Variants in EPHB2 observed in about 807,000 individuals in gnomAD.
EPHB2 encodes ephrin type-B receptor 2.
Under a neutral mutation model 96.4 loss-of-function variants are expected in EPHB2, and 18 were observed. That is an observed-to-expected ratio of 0.19 (90% CI 0.13 to 0.28). EPHB2 has a LOEUF of 0.28. Among genes scored for constraint, EPHB2 ranks in the 10% least tolerant of loss-of-function variants. The pLI, the probability that EPHB2 is intolerant of heterozygous loss-of-function variation, is 1.00. For synonymous variants in EPHB2, 506 were observed against 534.1 expected (o/e 0.95, Z 0.72); for missense variants, 989 against 1,355.4 (o/e 0.73, Z 4.25).
chr1:22,913,222 C>G lies in EPHB2; in HGVS notation c.2853-240C>G. Reference sequence around the variant, plus strand: ...AAGAAAGAAAATGTAAGCTGGCTTCCCCCTCCCAATAGCAGGGGAGAGAAG... The same window carrying G: ...AAGAAAGAAAATGTAAGCTGGCTTCGCCCTCCCAATAGCAGGGGAGAGAAG... On this transcript the variant is annotated intron_variant, in intron 15 of 15. Transcript: ENST00000374630. This position sits in a 1 kb window ranked among gnomAD's most constrained non-coding sequence, Gnocchi z 4.1. The G allele has an allele frequency of 3.4e-6, 2 of 586,796 alleles. No homozygotes were observed. The highest frequency in any genetic ancestry group is 6.1e-6 in the Non-Finnish European group (2 of 328,510). 36.3% of individuals were successfully genotyped at this position (586,796 alleles called of 1,614,324 possible).
At chr1:22,769,721 C>G (rs1383368944) in intron 1 of EPHB2, among the ~76,000 whole-genome samples, 1 of 152,178 alleles carries the variant, frequency 6.6e-6, no homozygotes, top group Non-Finnish European at 1.5e-5. Context: ...TTCTCCAGTA[C>G]TCAGCATGGG....
At chr1:22,804,080 A>G (rs1260204582) in intron 3 of EPHB2, among the ~76,000 whole-genome samples, 1 of 152,212 alleles carries the variant, frequency 6.6e-6, no homozygotes, top group East Asian at 1.9e-4. Flanking sequence ...GTGAGAAAAC[A>G]GGTTCCAAGA....
At position 22,871,100 on chromosome 1, in the gene EPHB2, A is replaced by T. The variant is rs566631950; in HGVS notation, c.1303+5888A>T. Among the ~76,000 whole-genome samples the T allele has an allele frequency of 2.6e-5, 4 of 152,334 alleles. No individual in the cohort carries two copies. In the East Asian group the frequency reaches 7.7e-4, roughly 29 times the overall value. ...CCCTTAACACTGAATCCTCACAACG[A>T]TACGAGGTAGGTCCTGTTGTCATCC... On this transcript the variant is annotated intron_variant, in intron 5 of 15. Transcript: ENST00000374630.
intron 3 of EPHB2, among the ~76,000 whole-genome samples, chr1:22,852,497 G>A (rs572407004): frequency 5.1e-4 from 78 of 152,240 alleles, no homozygotes; most frequent in Admixed American, 1.2e-3. Context: ...GAAATTGGAG[G>A]AATGGGGCTG....
intron 7 of EPHB2, among the ~76,000 whole-genome samples, chr1:22,894,887 T>C (rs538298058): frequency 3.3e-5 from 5 of 152,156 alleles, no homozygotes; most frequent in African/African-American, 1.2e-4. Flanking sequence ...GCACAGTGAG[T>C]GACACATAAA....
chr1:22,738,070 TA>T (rs938870405), intron 1 of EPHB2, among the ~76,000 whole-genome samples: 1 of 151,860 alleles, frequency 6.6e-6, no homozygotes, highest in South Asian at 2.1e-4. Context: ...CATTTAAAGA[TA>T]AAAAAAATAC....
intron 3 of EPHB2, among the ~76,000 whole-genome samples, chr1:22,841,392 G>A (rs879568634): frequency 6.6e-6 from 1 of 152,250 alleles, no homozygotes. Flanking sequence ...TGTAGGGCAG[G>A]AGGGAGTCTG....
At chr1:22,797,482 C>T (rs1307856425) in intron 3 of EPHB2, among the ~76,000 whole-genome samples, 1 of 152,154 alleles carries the variant, frequency 6.6e-6, no homozygotes, top group Non-Finnish European at 1.5e-5. Context: ...GACCTCTCCA[C>T]CTTGGAGGGC....
At chr1:22,762,594 A>G (rs1434872338) in intron 1 of EPHB2, among the ~76,000 whole-genome samples, 1 of 152,094 alleles carries the variant, frequency 6.6e-6, no homozygotes, top group African/African-American at 2.4e-5. Flanking sequence ...TCCTGGCTTC[A>G]TGACCTGGGG....
At chr1:22,774,458 T>G in intron 1 of EPHB2, 2 of 550,616 alleles carry the variant, frequency 3.6e-6, no homozygotes, top group Non-Finnish European at 4.6e-6. Context: ...AGAAGGAGGC[T>G]TTGAGCTCAG....
intron 1 of EPHB2, among the ~76,000 whole-genome samples, chr1:22,726,581 C>T (rs889178009): frequency 2.2e-4 from 34 of 152,008 alleles, no homozygotes; most frequent in South Asian, 2.1e-4. Context: ...CCACCACACC[C>T]GGCTAATTTT....
intron 3 of EPHB2, among the ~76,000 whole-genome samples, chr1:22,837,448 G>A (rs1386712322): frequency 6.6e-6 from 1 of 152,186 alleles, no homozygotes; most frequent in Non-Finnish European, 1.5e-5. Flanking sequence ...TCTAACATGA[G>A]TGTAGGTGGG....
rs1348417298 is a variant in EPHB2 at position 22,781,428 on chromosome 1, A to G, written c.69A>G (p.Leu23=). The G allele has an allele frequency of 1.2e-6, 2 of 1,613,926 alleles. No homozygotes were observed. Among genetic ancestry groups the G allele is most frequent in the African/African-American group, 1.3e-5 (1 of 74,960 alleles). The change falls in exon 2 of 16, where the codon CTA becomes CTG. Residue 23 remains leucine (L), a synonymous_variant. Transcript: ENST00000374630. ...LPLLAAVEET[L]MDSTTATAEL... is the part of the protein sequence containing the mutation. ...TCTTTGCTCTCCCCACAGAAACGCT[A>G]ATGGACTCCACTACAGCGACTGCTG... is the stretch of plus-strand genomic sequence containing the variant.
chr1:22,840,832 T>G (rs940721250), intron 3 of EPHB2, among the ~76,000 whole-genome samples: 2 of 152,184 alleles, frequency 1.3e-5, no homozygotes, highest in Non-Finnish European at 2.9e-5. Context: ...ATCCTAGCAC[T>G]TTACACATGT....
intron 6 of EPHB2, among the ~76,000 whole-genome samples, chr1:22,883,490 G>A (rs1639117021): frequency 6.6e-6 from 1 of 152,242 alleles, no homozygotes; most frequent in African/African-American, 2.4e-5. Flanking sequence ...AGGGCACCTG[G>A]GAAAGGCATC....
intron 1 of EPHB2, among the ~76,000 whole-genome samples, chr1:22,780,874 G>T (rs1369647020): frequency 6.6e-6 from 1 of 152,086 alleles, no homozygotes; most frequent in Non-Finnish European, 1.5e-5. Flanking sequence ...GCCTAGAGGA[G>T]TGGCATCAGA....
chr1:22,904,607 G>A (rs1192906613), intron 9 of EPHB2, among the ~76,000 whole-genome samples: 1 of 152,144 alleles, frequency 6.6e-6, no homozygotes, highest in East Asian at 1.9e-4. Flanking sequence ...AGCAGCGGTT[G>A]ACAAATTTTT....
chr1:22,843,644 G>A, intron 3 of EPHB2, among the ~76,000 whole-genome samples: 1 of 152,146 alleles, frequency 6.6e-6, no homozygotes, highest in Non-Finnish European at 1.5e-5. Context: ...AGATTCAAGT[G>A]ATTCTTCTGT....
intron 1 of EPHB2, among the ~76,000 whole-genome samples, chr1:22,740,084 A>G (rs1643885304): frequency 6.6e-6 from 1 of 152,134 alleles, no homozygotes; most frequent in South Asian, 2.1e-4. Flanking sequence ...GGTCCAAACG[A>G]TTTGCCTGAG....
Sources: allele counts gnomAD v4.1 joint callset (sites outside exome capture counted in the v4.1 genomes callset), GRCh38; gene constraint gnomAD v4.1.1; non-coding constraint Gnocchi (gnomAD v3.1); transcripts MANE v1.5; gene names NCBI Gene and HGNC (gene_info 2026-07-23, HGNC 2026-07-21).